DLGAP3: variants seen among roughly 807,000 people sequenced by gnomAD.
The protein encoded by DLGAP3 is disks large-associated protein 3.
Under a neutral mutation model 81.2 loss-of-function variants are expected in DLGAP3, and 17 were observed. That is an observed-to-expected ratio of 0.21 (90% CI 0.14 to 0.31). The LOEUF is 0.31. Ranked by LOEUF, DLGAP3 falls within the 10% of genes least tolerant of loss-of-function variation. The probability of loss-of-function intolerance (pLI) is 1.00; values close to 1 mark genes in which losing one functional copy is unlikely to be tolerated. For synonymous variants in DLGAP3, 577 were observed against 587.4 expected (o/e 0.98, Z 0.26); for missense variants, 1,124 against 1,388.0 (o/e 0.81, Z 3.02).
At chr1:34,899,814 G>T in intron 4 of DLGAP3, 73 bp from the exon 5 acceptor site, 1 of 1,443,774 alleles carries the variant, frequency 6.9e-7, no homozygotes, top group Non-Finnish European at 9.7e-7. Context: ...TAATAGCACT[G>T]GGGCCCCTGA....
intron 1 of DLGAP3, among the ~76,000 whole-genome samples, chr1:34,925,114 C>A (rs932996721): frequency 1.3e-5 from 2 of 152,146 alleles, no homozygotes; most frequent in Admixed American, 6.5e-5. Context: ...CCACACACCC[C>A]CTTTAGAACA....
In DLGAP3 at chr1:34,905,163, T is replaced by G; in HGVS notation, c.221A>C (p.Glu74Ala). The G allele has an allele frequency of 6.4e-7, 1 of 1,573,560 alleles. No homozygotes were observed. Among genetic ancestry groups the G allele is most frequent in the Non-Finnish European group, 8.6e-7 (1 of 1,159,140 alleles). Residue 74 changes from glutamate (E) to alanine (A), a missense_variant, in exon 3 of 12, where the codon GAG (glutamate) becomes GCG (alanine). Around this residue, in one of 9 missense-constraint regions of DLGAP3, gnomAD observed 167 missense variants for 172.1 expected, o/e 0.97. Coordinates refer to ENST00000373347, the MANE Select transcript of DLGAP3 (RefSeq NM_001080418.3). Reference protein sequence around the residue: ...SLSEGPSVGPEGGPAGAGVGG... With the variant: ...SLSEGPSVGPAGGPAGAGVGG... The stretch of plus-strand genomic sequence containing the variant: ...AACCCCGGCCCCCGCTGGCCCTCCC[T>G]CAGGGCCTACCGACGGCCCCTCACT...
chr1:34,866,052 G>C lies in DLGAP3; in HGVS notation c.*31C>G. ...TGTACAGTACGGGTGGAGAACCGCG[G>C]GCCCGGGCCGGGCTGGGCGGGCCGG... On this transcript the variant is annotated 3_prime_UTR_variant, in exon 12 of 12. Coordinates refer to ENST00000373347, the MANE Select transcript of DLGAP3 (RefSeq NM_001080418.3). 2 of 1,567,892 alleles carry C rather than the reference G, an allele frequency of 1.3e-6. No homozygotes were observed. The highest frequency in any genetic ancestry group is 3.5e-5 in the Admixed American group (2 of 57,704).
intron 1 of DLGAP3, 127 bp from the exon 2 acceptor site, chr1:34,907,564 C>T (rs556310563): frequency 6.6e-6 from 1 of 152,664 alleles, no homozygotes; most frequent in South Asian, 2.1e-4. Context: ...ATTGGATCCC[C>T]CATGATGCAG....
intron 1 of DLGAP3, among the ~76,000 whole-genome samples, chr1:34,910,610 T>C (rs1374693593): frequency 3.9e-5 from 6 of 152,166 alleles, no homozygotes; most frequent in East Asian, 3.9e-4. Context: ...ACGGGGCCTA[T>C]TCCCCCTGTT....
intron 1 of DLGAP3, among the ~76,000 whole-genome samples, chr1:34,918,006 C>A (rs1244893819): frequency 6.6e-6 from 1 of 152,158 alleles, no homozygotes; most frequent in Non-Finnish European, 1.5e-5. Flanking sequence ...GCCAATATAG[C>A]TGAGGGAGGG....
chr1:34,913,606 C>T (rs193044534), intron 1 of DLGAP3, among the ~76,000 whole-genome samples: 49 of 152,262 alleles, frequency 3.2e-4, no homozygotes, highest in African/African-American at 1.0e-3. Flanking sequence ...AGTATGTCTC[C>T]CCATAGTAGA....
Position 34,904,833 on chromosome 1 carries a change from G to A in DLGAP3, c.551C>T (p.Ser184Phe). 1.2e-6 allele frequency: 2 copies of A among 1,610,138 alleles called. No homozygotes were observed. The highest frequency in any genetic ancestry group is 1.7e-6 in the Non-Finnish European group (2 of 1,180,026). The change falls in exon 3 of 12, where the codon TCC (serine) becomes TTC (phenylalanine). Residue 184 changes from serine (S) to phenylalanine (F), a missense_variant. Ser to Phe is a radical substitution (Grantham distance 155). Around this residue, in one of 9 missense-constraint regions of DLGAP3, gnomAD observed 65 missense variants for 78.2 expected, o/e 0.83. Transcript: ENST00000373347. The surrounding 1 kb of genome is among the most constrained non-coding windows in gnomAD (Gnocchi z 8.1). ...VHSVQKLFAK[S>F]HSLEAPGKRD... Reference sequence around the variant, plus strand: ...CTTCCCCGGCGCCTCCAGAGAGTGGGACTTGGCAAAGAGCTTCTGCACAGA... The same window carrying A: ...CTTCCCCGGCGCCTCCAGAGAGTGGAACTTGGCAAAGAGCTTCTGCACAGA...
intron 5 of DLGAP3, among the ~76,000 whole-genome samples, chr1:34,887,279 A>T (rs1353593854): frequency 4.0e-5 from 6 of 149,808 alleles, no homozygotes; most frequent in Non-Finnish European, 8.9e-5. Flanking sequence ...CCTTCTATCC[A>T]CTCACTCGGG....
At position 34,866,041 on chromosome 1, in the gene DLGAP3, G is replaced by A. The variant is rs780916496; in HGVS notation, c.*42C>T. The A allele has an allele frequency of 6.5e-7, 1 of 1,532,356 alleles. No homozygotes were observed. The highest frequency in any genetic ancestry group is 8.8e-7 in the Non-Finnish European group (1 of 1,130,288). The allele number at this position is 1,532,356 out of a possible 1,614,324, so 94.9% of individuals were successfully genotyped here. On this transcript the variant is annotated 3_prime_UTR_variant, in exon 12 of 12. Coordinates refer to ENST00000373347, the MANE Select transcript of DLGAP3 (RefSeq NM_001080418.3). ...TCGACGCTGGGTGTACAGTACGGGT[G>A]GAGAACCGCGGGCCCGGGCCGGGCT...
chr1:34,900,972 G>A lies in DLGAP3; in HGVS notation c.1108-699C>T, dbSNP rs530057105. On this transcript the variant is annotated intron_variant, in intron 3 of 11. Transcript: ENST00000373347. This position sits in a 1 kb window ranked among gnomAD's most constrained non-coding sequence, Gnocchi z 5.6. ...GGGGGATGAGGGGGCGGGAGGAGTC[G>A]AGGATGACTGCCAGGCTGCTGGCTG... Among the ~76,000 whole-genome samples the A allele has an allele frequency of 3.9e-5, 6 of 152,214 alleles. No homozygotes were observed. The highest frequency in any genetic ancestry group is 2.0e-4 in the Admixed American group (3 of 15,298).
chr1:34,899,689 G>A lies in DLGAP3; in HGVS notation c.1366C>T (p.Arg456Cys), dbSNP rs747617975. The A allele has an allele frequency of 3.1e-6, 5 of 1,614,000 alleles. No homozygotes were observed. The highest frequency in any genetic ancestry group is 2.7e-5 in the African/African-American group (2 of 75,024). Residue 456 changes from arginine (R) to cysteine (C), a missense_variant, in exon 5 of 12, where the codon CGT (arginine) becomes TGT (cysteine). Around this residue, in one of 9 missense-constraint regions of DLGAP3, gnomAD observed 357 missense variants for 408.8 expected, o/e 0.87. Coordinates refer to ENST00000373347, the MANE Select transcript of DLGAP3 (RefSeq NM_001080418.3). ...CCTACCTGTCCAGTGGTGAGGGAAC[G>A]GCTGTAGCCAGGGATGGAGCTCCGG... ...HPRSSIPGYS[R>C]SLTTGQLSDE...
chr1:34,885,584 CG>C lies in DLGAP3; in HGVS notation c.1807del (p.Arg603GlyfsTer75). The C allele has an allele frequency of 6.3e-7, 1 of 1,597,776 alleles. No homozygotes were observed. On this transcript the variant is annotated frameshift_variant, in exon 7 of 12. Transcript: ENST00000373347. LOFTEE classifies it high-confidence loss of function. Reference sequence around the variant, plus strand: ...GAGTGTGGGGGGCTTGGGGCTGGCCCGGGGCGGCACCGGCGCCAACTCCAGT... The same window carrying C: ...GAGTGTGGGGGGCTTGGGGCTGGCCCGGGCGGCACCGGCGCCAACTCCAGT... ...RTLELAPVPP[R>X]ASPKPPTLII...
At position 34,904,391 on chromosome 1, in the gene DLGAP3, G is replaced by A. The variant is rs776932598; in HGVS notation, c.993C>T (p.Ala331=). The change falls in exon 3 of 12, where the codon GCC becomes GCT. Residue 331 remains alanine (A), a synonymous_variant. Transcript: ENST00000373347. This position sits in a 1 kb window ranked among gnomAD's most constrained non-coding sequence, Gnocchi z 8.1. ...SLDGQSVKRS[A]WHTMMVSQGR... is the part of the protein sequence containing the mutation. ...CCTGGCTGACCATCATGGTATGCCA[G>A]GCACTTCGCTTGACCGACTGTCCAT... 6.2e-7 allele frequency: 1 copy of A among 1,613,820 alleles called. No individual in the cohort carries two copies. Among genetic ancestry groups the A allele is most frequent in the Non-Finnish European group, 8.5e-7 (1 of 1,180,030 alleles).
intron 1 of DLGAP3, among the ~76,000 whole-genome samples, chr1:34,925,974 T>C (rs1425315359): frequency 6.6e-6 from 1 of 152,198 alleles, no homozygotes; most frequent in Admixed American, 6.5e-5. Flanking sequence ...GAGACAGTAT[T>C]CAGGCACAAG....
intron 1 of DLGAP3, among the ~76,000 whole-genome samples, chr1:34,927,781 G>A (rs185219171): frequency 6.8e-4 from 103 of 152,004 alleles, no homozygotes; most frequent in Non-Finnish European, 1.1e-3. Context: ...GTGGTAGAGG[G>A]CAGTGCCCCC....
In DLGAP3 at chr1:34,904,245, G is replaced by A. The variant is rs1488479587; in HGVS notation, c.1107+32C>T. The A allele has an allele frequency of 3.1e-6, 5 of 1,599,748 alleles. No individual in the cohort carries two copies. The highest frequency in any genetic ancestry group is 4.2e-6 in the Non-Finnish European group (5 of 1,179,848). ...GTTGACAAGACTGGTGAAGGCTAAG[G>A]ACTCTGTTCCCCAACCCCAAAAAAG... On this transcript the variant is annotated intron_variant, in intron 3 of 11. Coordinates refer to ENST00000373347, the MANE Select transcript of DLGAP3 (RefSeq NM_001080418.3). This position sits in a 1 kb window ranked among gnomAD's most constrained non-coding sequence, Gnocchi z 8.1.
In DLGAP3 at chr1:34,902,083, C is replaced by T. The variant is rs952974528; in HGVS notation, c.1108-1810G>A. 2.0e-5 allele frequency among the ~76,000 whole-genome samples: 3 copies of T among 151,810 alleles called. No homozygotes were observed. The South Asian group carries it at 6.2e-4, about 32-fold the overall frequency. The stretch of plus-strand genomic sequence containing the variant: ...GAATTTGGATGCGTCTAGAGAGATG[C>T]TGTCAGGAAGCTGAGGGAGTCCGTG... On this transcript the variant is annotated intron_variant, in intron 3 of 11. Coordinates refer to ENST00000373347, the MANE Select transcript of DLGAP3 (RefSeq NM_001080418.3). This position sits in a 1 kb window ranked among gnomAD's most constrained non-coding sequence, Gnocchi z 4.4.
At chr1:34,884,146 T>C (rs1639184866) in intron 8 of DLGAP3, among the ~76,000 whole-genome samples, 1 of 152,056 alleles carries the variant, frequency 6.6e-6, no homozygotes, top group Non-Finnish European at 1.5e-5. Flanking sequence ...CTCAAGCTCC[T>C]GGCCTCAAGT....
Sources: gnomAD v4.1 joint callset for allele counts (sites outside exome capture counted in the v4.1 genomes callset) on GRCh38, gnomAD v4.1.1 for gene constraint, gnomAD v4.1.1 regional missense constraint, Gnocchi (gnomAD v3.1) non-coding constraint, MANE v1.5 for transcripts, NCBI Gene and HGNC (gene_info 2026-07-23, HGNC 2026-07-21) for gene names.